The following LCOR variants were observed in gnomAD, a reference collection of about 807,000 sequenced individuals.
The protein encoded by LCOR is ligand dependent nuclear receptor corepressor.
Under a neutral mutation model 64.4 loss-of-function variants are expected in LCOR, and 14 were observed. That is an observed-to-expected ratio of 0.22 (90% confidence interval 0.14 to 0.34). LCOR has a LOEUF of 0.34. Ranked by LOEUF, LCOR falls within the 10% of genes least tolerant of loss-of-function variation. The pLI is 1.00. For synonymous variants in LCOR, 643 were observed against 642.5 expected, an observed-to-expected ratio of 1.00 and a Z score of -0.01; for missense variants, 1,686 against 1,765.3, an observed-to-expected ratio of 0.96 and a Z score of 0.80.
At chr10:96,859,175 C>T (rs996176116) in intron 2 of LCOR, among the ~76,000 whole-genome samples, 19 of 152,020 alleles carry the variant, frequency 1.2e-4, no homozygotes, top group Admixed American at 8.5e-4. Flanking sequence ...TTCTTTCCAT[C>T]GGTAAGCATT....
At chr10:96,889,025 C>T (rs1413075762) in intron 2 of LCOR, among the ~76,000 whole-genome samples, 6 of 152,170 alleles carry the variant, frequency 3.9e-5, no homozygotes, top group Non-Finnish European at 8.8e-5. Flanking sequence ...CCATTTGAGC[C>T]ATTTTAAGGT....
At chr10:96,947,255 C>T (rs766584354) in intron 5 of LCOR, among the ~76,000 whole-genome samples, 7 of 151,768 alleles carry the variant, frequency 4.6e-5, no homozygotes, top group Non-Finnish European at 7.4e-5. Context: ...ATAAATACTC[C>T]TTAGTGTGAC....
intron 2 of LCOR, among the ~76,000 whole-genome samples, chr10:96,877,031 A>G (rs2134413889): frequency 6.6e-6 from 1 of 152,316 alleles, no homozygotes; most frequent in Admixed American, 6.5e-5. Context: ...TCATTATTAT[A>G]ATCAAGGACT....
intron 4 of LCOR, among the ~76,000 whole-genome samples, chr10:96,931,637 A>G (rs1254862458): frequency 1.3e-5 from 2 of 152,148 alleles, no homozygotes; most frequent in African/African-American, 4.8e-5. Context: ...AGTGGACGCA[A>G]AGTAGTGAGT....
intron 2 of LCOR, among the ~76,000 whole-genome samples, chr10:96,878,252 T>G (rs1366901449): frequency 1.5e-5 from 2 of 134,892 alleles, no homozygotes; most frequent in Non-Finnish European, 3.0e-5. Flanking sequence ...TTTAGCAAAC[T>G]AACTGGTTGC....
chr10:96,909,278 C>T (rs1193185414), intron 4 of LCOR, among the ~76,000 whole-genome samples: 3 of 152,110 alleles, frequency 2.0e-5, no homozygotes, highest in East Asian at 1.9e-4. Flanking sequence ...GCCTCAGTAC[C>T]CTCCACATTT....
At chr10:96,942,458 G>GGAGGAA (rs1847509194) in intron 4 of LCOR, among the ~76,000 whole-genome samples, 1 of 150,550 alleles carries the variant, frequency 6.6e-6, no homozygotes. Flanking sequence ...GAGAGGGAGA[G>GGAGGAA]GAGGGAGAGG....
chr10:96,888,911 C>T (rs1589633836), intron 2 of LCOR, among the ~76,000 whole-genome samples: 1 of 152,184 alleles, frequency 6.6e-6, no homozygotes, highest in South Asian at 2.1e-4. Flanking sequence ...GAATCATACA[C>T]TGTGTAACCA....
Position 96,980,878 on chromosome 10 carries a change from C to T in LCOR, c.418C>T (p.His140Tyr), listed in dbSNP as rs1321914208. The change falls in exon 8 of 8, where the codon CAT (histidine) becomes TAT (tyrosine). Residue 140 changes from histidine to tyrosine, a missense_variant. Around this residue, in one of 3 missense-constraint regions of LCOR, gnomAD observed 313 missense variants for 247.2 expected, o/e 1.27. Coordinates refer to ENST00000421806, the MANE Select transcript of LCOR (RefSeq NM_001346516.2). ...LEKFMVKLCT[H>Y]HQKQFIRVLN... ...GAAATTTATGGTCAAACTGTGTACTCATCATCAAAAGCAATTCATTCGTGT... is the reference window on the plus strand; with the variant it reads ...GAAATTTATGGTCAAACTGTGTACTTATCATCAAAAGCAATTCATTCGTGT... 20 of 702,888 alleles carry T rather than the reference C, an allele frequency of 2.8e-5. No homozygotes were observed. Among genetic ancestry groups the T allele is most frequent in the South Asian group, 2.1e-4 (14 of 67,596 alleles). The allele number at this position is 702,888 out of a possible 1,614,324, so 43.5% of individuals were successfully genotyped here. A position where few individuals can be genotyped will look rare whatever the true frequency, so the allele number is the denominator to read the frequency against.
chr10:96,951,838 C>G (rs1435822446), intron 6 of LCOR, among the ~76,000 whole-genome samples: 14 of 152,118 alleles, frequency 9.2e-5, no homozygotes, highest in Admixed American at 9.2e-4. Flanking sequence ...TAGTATTTCA[C>G]TATATCTTAA....
chr10:96,873,571 CGTGTGTGTGTGTGTGTGTGTGTGTGTGT>C (rs55893181), intron 2 of LCOR, among the ~76,000 whole-genome samples: 4 of 126,340 alleles, frequency 3.2e-5, no homozygotes, highest in Admixed American at 1.7e-4. Flanking sequence ...CACACACACA[CGTGTGTGTGTGTGTGTGTGTGTGTGTGT>C]GTGTGTGTGT....
intron 2 of LCOR, among the ~76,000 whole-genome samples, chr10:96,860,414 ATGCCAAGGAT>A (rs1003290706): frequency 6.6e-6 from 1 of 152,206 alleles, no homozygotes; most frequent in Non-Finnish European, 1.5e-5. Flanking sequence ...AAGCCAAGGA[ATGCCAAGGAT>A]TGCCAAGGAT....
chr10:96,914,897 A>G (rs1846911128), intron 4 of LCOR, among the ~76,000 whole-genome samples: 1 of 152,174 alleles, frequency 6.6e-6, no homozygotes, highest in Admixed American at 6.5e-5. Flanking sequence ...TGCTTGACAC[A>G]CTGGTAACCA....
intron 2 of LCOR, among the ~76,000 whole-genome samples, chr10:96,853,155 G>A (rs146727446): frequency 4.7e-4 from 71 of 152,208 alleles, no homozygotes; most frequent in African/African-American, 1.6e-3. Flanking sequence ...GGGTTCAAGC[G>A]ATTCTCCTGC....
At chr10:96,965,339 C>A (rs1407695034) in intron 7 of LCOR, among the ~76,000 whole-genome samples, 1 of 150,796 alleles carries the variant, frequency 6.6e-6, no homozygotes, top group Non-Finnish European at 1.5e-5. Flanking sequence ...AAAGATGATG[C>A]TATTGTTAAT....
intron 2 of LCOR, among the ~76,000 whole-genome samples, chr10:96,879,841 T>G (rs1846231982): frequency 6.6e-6 from 1 of 152,272 alleles, no homozygotes; most frequent in Admixed American, 6.5e-5. Flanking sequence ...CTTTGTGTAT[T>G]TAGTAGAGGC....
chr10:96,908,866 C>T (rs533796211), intron 4 of LCOR, among the ~76,000 whole-genome samples: 86 of 152,200 alleles, frequency 5.7e-4, no homozygotes, highest in African/African-American at 2.0e-3. Flanking sequence ...CAGGCGCCCG[C>T]CACCTCGCCC....
intron 4 of LCOR, among the ~76,000 whole-genome samples, chr10:96,917,078 T>C (rs534908476): frequency 6.6e-6 from 1 of 152,246 alleles, no homozygotes; most frequent in Admixed American, 6.5e-5. Flanking sequence ...CTGCTTGATA[T>C]GAATCAGTGC....
intron 4 of LCOR, among the ~76,000 whole-genome samples, chr10:96,932,115 A>C (rs1406653690): frequency 6.6e-6 from 1 of 152,212 alleles, no homozygotes; most frequent in East Asian, 1.9e-4. Flanking sequence ...TTAAAGATAT[A>C]AATAATGAGG....
Sources: allele counts gnomAD v4.1 joint callset (sites outside exome capture counted in the v4.1 genomes callset), GRCh38; gene constraint gnomAD v4.1.1; regional missense constraint gnomAD v4.1.1; transcripts MANE v1.5; gene names NCBI Gene and HGNC (gene_info 2026-07-23, HGNC 2026-07-21).